The following VWC2L variants were observed in gnomAD, a reference collection of about 807,000 sequenced individuals.
The protein encoded by VWC2L is von Willebrand factor C domain containing 2 like.
Under a neutral mutation model 21.6 loss-of-function variants are expected in VWC2L, and 10 were observed. That is an observed-to-expected ratio of 0.46 (90% CI 0.29 to 0.78). The LOEUF (loss-of-function observed/expected upper bound fraction) is 0.78, where lower values mean the gene tolerates loss of function less well. VWC2L is among the 30% of genes least tolerant of loss of function. VWC2L has a pLI of 0.10. For synonymous variants in VWC2L, 96 were observed against 94.3 expected (o/e 1.02, Z -0.10); for missense variants, 209 against 277.1 (o/e 0.75, Z 1.74).
chr2:214,509,427 T>C (rs1169796483), intron 3 of VWC2L, among the ~76,000 whole-genome samples: 2 of 150,612 alleles, frequency 1.3e-5, no homozygotes, highest in African/African-American at 2.4e-5. Context: ...CAAGACAGAA[T>C]TTTTTTTTCT....
chr2:214,504,257 T>C (rs1688936887), intron 3 of VWC2L, among the ~76,000 whole-genome samples: 1 of 152,108 alleles, frequency 6.6e-6, no homozygotes, highest in Non-Finnish European at 1.5e-5. Flanking sequence ...AAACAGAAAA[T>C]GCGAGATAGT....
At chr2:214,493,210 A>C (rs557738561) in intron 3 of VWC2L, among the ~76,000 whole-genome samples, 1 of 152,338 alleles carries the variant, frequency 6.6e-6, no homozygotes, top group Admixed American at 6.5e-5. Flanking sequence ...CATCAGAAGA[A>C]TATTTCAAGG....
At chr2:214,566,260 G>A (rs1020217536) in intron 3 of VWC2L, among the ~76,000 whole-genome samples, 3 of 152,138 alleles carry the variant, frequency 2.0e-5, no homozygotes, top group Non-Finnish European at 2.9e-5. Flanking sequence ...GCTGGCAAAC[G>A]TAGGACCCGA....
At chr2:214,437,102 C>A (rs571611159) in intron 3 of VWC2L, among the ~76,000 whole-genome samples, 2 of 152,084 alleles carry the variant, frequency 1.3e-5, no homozygotes, top group South Asian at 2.1e-4. Flanking sequence ...GCAGTTCACC[C>A]CATTTTGTGG....
intron 3 of VWC2L, among the ~76,000 whole-genome samples, chr2:214,539,999 A>T (rs1177695371): frequency 2.0e-5 from 3 of 152,186 alleles, no homozygotes; most frequent in Admixed American, 6.6e-5. Flanking sequence ...AACATATAAA[A>T]TTGATGAACC....
intron 3 of VWC2L, among the ~76,000 whole-genome samples, chr2:214,454,057 G>A (rs1703016891): frequency 6.6e-6 from 1 of 151,978 alleles, no homozygotes; most frequent in South Asian, 2.1e-4. Context: ...GATTTTTAAA[G>A]ATTTTCTGAC....
At chr2:214,429,808 AT>A (rs1702573677) in intron 2 of VWC2L, among the ~76,000 whole-genome samples, 1 of 151,848 alleles carries the variant, frequency 6.6e-6, no homozygotes, top group Non-Finnish European at 1.5e-5. Flanking sequence ...TACCAAAAAA[AT>A]TTTATTTTAT....
At chr2:214,552,768 G>A (rs1559328779) in intron 3 of VWC2L, among the ~76,000 whole-genome samples, 1 of 151,932 alleles carries the variant, frequency 6.6e-6, no homozygotes, top group African/African-American at 2.4e-5. Flanking sequence ...TATTTCTCTT[G>A]AAGACTTCTA....
intron 3 of VWC2L, among the ~76,000 whole-genome samples, chr2:214,565,774 T>C (rs13430076): frequency 0.017 from 2,578 of 152,254 alleles, 86 homozygotes; most frequent in African/African-American, 0.059. Context: ...ACAGGAACTG[T>C]TCTAAGTGCT....
At chr2:214,552,105 G>A (rs1263814669) in intron 3 of VWC2L, among the ~76,000 whole-genome samples, 2 of 152,188 alleles carry the variant, frequency 1.3e-5, no homozygotes, top group Non-Finnish European at 1.5e-5. Flanking sequence ...CTGCTGGTCC[G>A]GAGATCAGCT....
At chr2:214,432,705 A>T (rs1254329702) in intron 2 of VWC2L, among the ~76,000 whole-genome samples, 3 of 152,156 alleles carry the variant, frequency 2.0e-5, no homozygotes. Flanking sequence ...CAGCTGGGAC[A>T]GCATTTGGAA....
intron 3 of VWC2L, among the ~76,000 whole-genome samples, chr2:214,521,362 A>G (rs1689238356): frequency 1.3e-5 from 2 of 152,134 alleles, no homozygotes; most frequent in Admixed American, 1.3e-4. Flanking sequence ...ATTTTACCCC[A>G]TTTACAGCAG....
At chr2:214,538,700 GAGA>G (rs1007858264) in intron 3 of VWC2L, among the ~76,000 whole-genome samples, 2 of 151,256 alleles carry the variant, frequency 1.3e-5, no homozygotes, top group Non-Finnish European at 2.9e-5. Flanking sequence ...TTTGCTAAAG[GAGA>G]AGATGTTCTA....
chr2:214,545,248 AGG>A (rs1689687339), intron 3 of VWC2L, among the ~76,000 whole-genome samples: 1 of 152,238 alleles, frequency 6.6e-6, no homozygotes, highest in East Asian at 1.9e-4. Flanking sequence ...AAGGTACTTT[AGG>A]AGCACTGACA....
chr2:214,453,351 TTG>T (rs1487530235), intron 3 of VWC2L, among the ~76,000 whole-genome samples: 2 of 152,196 alleles, frequency 1.3e-5, no homozygotes, highest in Non-Finnish European at 2.9e-5. Flanking sequence ...TGAATTGCAT[TTG>T]TGTCATTGTT....
intron 2 of VWC2L, among the ~76,000 whole-genome samples, chr2:214,429,809 T>A (rs896707474): frequency 1.1e-4 from 17 of 151,844 alleles, no homozygotes; most frequent in South Asian, 1.0e-3. Flanking sequence ...ACCAAAAAAA[T>A]TTTATTTTAT....
rs117513792 is a variant in VWC2L at position 214,548,100 on chromosome 2, G to A, written c.521-27572G>A. Among the ~76,000 whole-genome samples the A allele has an allele frequency of 5.3e-5, 8 of 152,108 alleles. No homozygotes were observed. The East Asian group carries it at 5.8e-4, about 11-fold the overall frequency. ...GGAGGCTAATGCCAGTATAATTCTC[G>A]GGTTGTCATTAAACCTCCAAAAATC... is the stretch of plus-strand genomic sequence containing the variant. On this transcript the variant is annotated intron_variant, in intron 3 of 3. Transcript: ENST00000312504.
chr2:214,544,156 C>T (rs1352048730), intron 3 of VWC2L, among the ~76,000 whole-genome samples: 1 of 152,084 alleles, frequency 6.6e-6, no homozygotes, highest in African/African-American at 2.4e-5. Flanking sequence ...AAGTTATTTG[C>T]TCTGTGTTTG....
chr2:214,493,983 G>C (rs1362551714), intron 3 of VWC2L, among the ~76,000 whole-genome samples: 1 of 152,106 alleles, frequency 6.6e-6, no homozygotes, highest in Non-Finnish European at 1.5e-5. Context: ...AATCAGTGTA[G>C]TACACCAGCT....
Sources: gnomAD v4.1 joint callset for allele counts (sites outside exome capture counted in the v4.1 genomes callset) on GRCh38, gnomAD v4.1.1 for gene constraint, MANE v1.5 for transcripts, NCBI Gene and HGNC (gene_info 2026-07-23, HGNC 2026-07-21) for gene names.